The following ZDHHC13 variants were observed in gnomAD, a reference collection of about 807,000 sequenced individuals.
ZDHHC13 encodes zDHHC palmitoyltransferase 13, also known as palmitoyltransferase ZDHHC13.
A neutral mutation model predicts 86.0 loss-of-function variants in ZDHHC13; 85 were observed. The observed-to-expected ratio is 0.99, with a 90% confidence interval of 0.83 to 1.18. The LOEUF (loss-of-function observed/expected upper bound fraction) is 1.18, where lower values mean the gene tolerates loss of function less well. ZDHHC13 is among the 50% of genes most tolerant of loss of function. ZDHHC13 has a pLI of 0.00. For synonymous variants in ZDHHC13, 263 were observed against 246.4 expected, an observed-to-expected ratio of 1.07 and a Z score of -0.63; for missense variants, 711 against 730.2, an observed-to-expected ratio of 0.97 and a Z score of 0.30.
rs867519273 is a variant in ZDHHC13 at position 19,175,752 on chromosome 11, C to G, written c.1731-70C>G. The G allele has an allele frequency of 3.8e-5, 59 of 1,554,368 alleles. No homozygotes were observed. The Admixed American group carries it at 9.3e-4, about 25-fold the overall frequency. The stretch of plus-strand genomic sequence containing the variant: ...CAAAGGACATTGCATATTATAGATT[C>G]TCCATAAATGTTTGTCAAGCTACAC... On this transcript the variant is annotated intron_variant, in intron 16 of 16. Transcript: ENST00000446113.
Position 19,143,075 on chromosome 11 carries a change from T to A in ZDHHC13, c.125T>A (p.Leu42His). Residue 42 changes from leucine to histidine, a missense_variant, in exon 2 of 17, where the codon CTT (leucine) becomes CAT (histidine). Leu to His is a moderately conservative substitution (Grantham distance 99). Transcript: ENST00000446113. ...NKELANAREA[L>H]PLIEDSSNCD... ...GAACTTGCCAATGCAAGAGAAGCTC[T>A]TCCTCTTATAGAGGACTCTAGTAAC... The A allele has an allele frequency of 6.2e-7, 1 of 1,613,416 alleles. No homozygotes were observed. The highest frequency in any genetic ancestry group is 2.2e-5 in the East Asian group (1 of 44,886).
intron 16 of ZDHHC13, among the ~76,000 whole-genome samples, chr11:19,174,673 A>G (rs1437416397): frequency 6.6e-6 from 1 of 152,260 alleles, no homozygotes; most frequent in Middle Eastern, 3.2e-3. Context: ...TAATGGAGAA[A>G]AAATGATGCC....
In ZDHHC13 at chr11:19,142,935, C is replaced by T. The variant is rs747206580; in HGVS notation, c.28-43C>T. ...TGCTTCATTATGTAATTGAGTGTGA[C>T]ATTAATTCTCTCATGCTTTGTCAAA... On this transcript the variant is annotated intron_variant, in intron 1 of 16. Coordinates refer to ENST00000446113, the MANE Select transcript of ZDHHC13 (RefSeq NM_019028.3). The T allele has an allele frequency of 4.5e-6, 7 of 1,539,252 alleles. No homozygotes were observed. In the African/African-American group the frequency reaches 8.2e-5, roughly 18 times the overall value.
chr11:19,138,685 T>G (rs1343338759), intron 1 of ZDHHC13, among the ~76,000 whole-genome samples: 2 of 150,388 alleles, frequency 1.3e-5, no homozygotes, highest in Admixed American at 6.6e-5. Context: ...GCAAACCGAA[T>G]CCAGCAGCAC....
intron 1 of ZDHHC13, among the ~76,000 whole-genome samples, chr11:19,141,675 C>CTTTT (rs34963467): frequency 7.1e-6 from 1 of 140,374 alleles, no homozygotes. Flanking sequence ...TTTTTGTGGG[C>CTTTT]TTTTTTTTTT....
intron 10 of ZDHHC13, among the ~76,000 whole-genome samples, chr11:19,161,069 A>G (rs1849897765): frequency 6.6e-6 from 1 of 151,916 alleles, no homozygotes; most frequent in South Asian, 2.1e-4. Context: ...CATCAGAATA[A>G]TGTTCTTCAA....
rs774636583 is a variant in ZDHHC13 at position 19,164,341 on chromosome 11, G to A, written c.1274G>A (p.Arg425Lys). The A allele has an allele frequency of 1.2e-6, 2 of 1,613,120 alleles. No homozygotes were observed. Among genetic ancestry groups the A allele is most frequent in the South Asian group, 2.2e-5 (2 of 91,034 alleles). ...GCAGAAACTGGCTCTCTGGACTTCA[G>A]AACATTTTGTACATCATGTCTTGTG... The part of the protein sequence containing the change: ...TLAETGSLDF[R>K]TFCTSCLIRK... The change falls in exon 12 of 17, where the codon AGA becomes AAA. Residue 425 changes from arginine to lysine, a missense_variant. Arg to Lys is a conservative substitution (Grantham distance 26, BLOSUM62 2). Transcript: ENST00000446113.
intron 1 of ZDHHC13, among the ~76,000 whole-genome samples, chr11:19,140,920 G>C (rs1459669182): frequency 8.9e-6 from 1 of 111,978 alleles, no homozygotes; most frequent in Non-Finnish European, 1.7e-5. Context: ...CTGTTGTGGG[G>C]TGGGGGGAGG....
chr11:19,126,417 A>C (rs1316878726), intron 1 of ZDHHC13, among the ~76,000 whole-genome samples: 2 of 135,320 alleles, frequency 1.5e-5, no homozygotes, highest in Non-Finnish European at 3.2e-5. Flanking sequence ...GCTCACTGCA[A>C]CCTCTGCCTC....
At position 19,138,524 on chromosome 11, in the gene ZDHHC13, G is replaced by A. The variant is rs1490795514; in HGVS notation, c.28-4454G>A. ...TACCATTCCTTCTGAAACTATTCCAGTCAATAGAAAAAGAGGGAATCCTCC... is the reference window on the plus strand; with the variant it reads ...TACCATTCCTTCTGAAACTATTCCAATCAATAGAAAAAGAGGGAATCCTCC... On this transcript the variant is annotated intron_variant, in intron 1 of 16. Coordinates refer to ENST00000446113, the MANE Select transcript of ZDHHC13 (RefSeq NM_019028.3). Among the ~76,000 whole-genome samples the A allele has an allele frequency of 1.0e-3, 154 of 151,890 alleles. 1 individual carries two copies. Among genetic ancestry groups the A allele is most frequent in the African/African-American group, 3.7e-3 (151 of 41,256 alleles).
chr11:19,136,055 G>A (rs370861887), intron 1 of ZDHHC13, among the ~76,000 whole-genome samples: 8 of 150,978 alleles, frequency 5.3e-5, no homozygotes, highest in African/African-American at 1.2e-4. Flanking sequence ...CACCAGCAAC[G>A]GAACAAAGCT....
chr11:19,166,278 A>T lies in ZDHHC13; in HGVS notation c.1391-24A>T, dbSNP rs186290991. On this transcript the variant is annotated intron_variant, in intron 13 of 16. Transcript: ENST00000446113. ...ATCAGAAGAAACGAAAATATTAAGT[A>T]TGTTTTTTTTCTTTTTTCTTGAGGT... The T allele has an allele frequency of 1.4e-3, 2,208 of 1,577,256 alleles. 33 individuals carry two copies. In the African/African-American group the frequency reaches 0.026, roughly 19 times the overall value.
intron 10 of ZDHHC13, among the ~76,000 whole-genome samples, chr11:19,163,098 T>A (rs143530094): frequency 4.5e-4 from 69 of 152,082 alleles, no homozygotes; most frequent in African/African-American, 1.7e-3. Context: ...TAATATGAGC[T>A]TCAACTAATA....
In ZDHHC13 at chr11:19,120,172, A is replaced by T. The variant is rs556179773; in HGVS notation, c.27+2896A>T. Among the ~76,000 whole-genome samples, 171 of 152,292 alleles carry T rather than the reference A, an allele frequency of 1.1e-3. 1 individual carries two copies. The highest frequency in any genetic ancestry group is 4.0e-3 in the African/African-American group (167 of 41,552). On this transcript the variant is annotated intron_variant, in intron 1 of 16. Transcript: ENST00000446113. ...TTATTGTGTAAGAAACCACCTCAAA[A>T]CATAGTGGTATAAAACATGGCTTTG...
At chr11:19,144,191 A>G (rs1323445220) in intron 2 of ZDHHC13, among the ~76,000 whole-genome samples, 2 of 152,190 alleles carry the variant, frequency 1.3e-5, no homozygotes, top group Non-Finnish European at 2.9e-5. Flanking sequence ...TTATTTGTAC[A>G]AAGATGAGCA....
intron 10 of ZDHHC13, among the ~76,000 whole-genome samples, chr11:19,160,405 T>A (rs551244800): frequency 4.6e-5 from 7 of 152,008 alleles, no homozygotes; most frequent in Middle Eastern, 3.4e-3. Context: ...GAAAAATACA[T>A]GATTTTATAA....
chr11:19,128,672 A>G (rs1038793814), intron 1 of ZDHHC13, among the ~76,000 whole-genome samples: 1 of 152,200 alleles, frequency 6.6e-6, no homozygotes, highest in Non-Finnish European at 1.5e-5. Flanking sequence ...TCAATTTTTT[A>G]TTCTCAATTG....
chr11:19,156,540 G>A (rs1849760131), intron 9 of ZDHHC13, among the ~76,000 whole-genome samples: 1 of 152,076 alleles, frequency 6.6e-6, no homozygotes, highest in African/African-American at 2.4e-5. Flanking sequence ...CTGCCTCATG[G>A]TTAACACATA....
intron 3 of ZDHHC13, among the ~76,000 whole-genome samples, chr11:19,146,579 A>G (rs1448782096): frequency 6.6e-6 from 1 of 152,216 alleles, no homozygotes; most frequent in African/African-American, 2.4e-5. Context: ...AAGGAAAAGT[A>G]TAATAAACTT....
Sources: allele counts gnomAD v4.1 joint callset (sites outside exome capture counted in the v4.1 genomes callset), GRCh38; gene constraint gnomAD v4.1.1; transcripts MANE v1.5; gene names NCBI Gene and HGNC (gene_info 2026-07-23, HGNC 2026-07-21).